The following PDE4DIP variants were observed in gnomAD, a reference collection of about 807,000 sequenced individuals.
PDE4DIP encodes the protein phosphodiesterase 4D interacting protein, also known as myomegalin.
A neutral mutation model predicts 221.4 loss-of-function variants in PDE4DIP; 59 were observed. The observed-to-expected ratio is 0.27, with a 90% CI of 0.22 to 0.33. PDE4DIP has a LOEUF of 0.33. Ranked by LOEUF, PDE4DIP falls within the 10% of genes least tolerant of loss-of-function variation. The pLI, the probability that PDE4DIP is intolerant of heterozygous loss-of-function variation, is 1.00. For missense variants in PDE4DIP, 1,036 were observed against 2,154.2 expected, an observed-to-expected ratio of 0.48 and a Z score of 10.28; for synonymous variants, 404 against 815.9, an observed-to-expected ratio of 0.50 and a Z score of 8.60.
At chr1:148,955,754 T>C (rs2055126788) in intron 5 of PDE4DIP, among the ~76,000 whole-genome samples, 3 of 152,184 alleles carry the variant, frequency 2.0e-5, no homozygotes, top group Admixed American at 1.3e-4. Flanking sequence ...GGTAACTGTA[T>C]CTTCAGGTCA....
chr1:148,981,457 C>G, intron 21 of PDE4DIP, 60 bp downstream of exon 24: 1 of 1,606,946 alleles, frequency 6.2e-7, no homozygotes, highest in Non-Finnish European at 8.5e-7. Flanking sequence ...ACTGGCGGGT[C>G]AGACTGCAGC....
intron 14 of PDE4DIP, among the ~76,000 whole-genome samples, chr1:148,971,115 C>G (rs2059130102): frequency 6.6e-6 from 1 of 152,102 alleles, no homozygotes; most frequent in Non-Finnish European, 1.5e-5. Flanking sequence ...AGTGTGTCAT[C>G]ATCTGTCTTA....
chr1:148,929,394 G>A (rs587606751), intron 2 of PDE4DIP, 121 bp downstream of exon 5: 26 of 1,351,894 alleles, frequency 1.9e-5, no homozygotes, highest in East Asian at 1.3e-4. Context: ...TCTGATTCAG[G>A]AACTGAAACA....
intron 4 of PDE4DIP, among the ~76,000 whole-genome samples, chr1:148,934,228 C>T (rs6143404): frequency 0.013 from 1,970 of 149,790 alleles, no homozygotes; most frequent in African/African-American, 0.046. Flanking sequence ...TATATATATA[C>T]ATATTGTACA....
intron 18 of PDE4DIP, 84 bp downstream of exon 21, chr1:148,978,137 A>G (rs1205174076): frequency 6.6e-6 from 9 of 1,364,112 alleles, no homozygotes; most frequent in Admixed American, 3.6e-5. Flanking sequence ...ATTTGCACAC[A>G]TCGAATCCCT....
At chr1:148,997,409 T>G (rs1267665519) in intron 22 of PDE4DIP, among the ~76,000 whole-genome samples, 1 of 148,510 alleles carries the variant, frequency 6.7e-6, no homozygotes, top group East Asian at 2.0e-4. Context: ...TGCCTCTGTT[T>G]CTTCCACATG....
At position 148,912,341 on chromosome 1, in the gene PDE4DIP, TA is replaced by T. The variant is rs1476680992; in HGVS notation, c.142-16853del. 2.8e-5 allele frequency among the ~76,000 whole-genome samples: 4 copies of T among 144,060 alleles called. 1 individual carries two copies. The highest frequency in any genetic ancestry group is 1.1e-4 in the African/African-American group (4 of 36,928). The allele number at this position is 144,060 out of a possible 152,430, so 94.5% of individuals were successfully genotyped here. On this transcript the variant is annotated intron_variant, in intron 1 of 43. Coordinates refer to ENST00000369354, the Ensembl canonical transcript of PDE4DIP. ...TTAGTTTTTCCTTTCATGTTTTGTT[TA>T]AATAAACTTTATTAAGTATGCAGTT...
chr1:149,021,405 C>T (rs1575521460), intron 37 of PDE4DIP: 2 of 443,388 alleles, frequency 4.5e-6, no homozygotes, highest in African/African-American at 3.9e-5. Flanking sequence ...CTATCAATGT[C>T]TAGATTGTAA....
Position 149,018,668 on chromosome 1 carries a change from G to C in PDE4DIP, c.5770+7G>C. The C allele has an allele frequency of 1.9e-6, 3 of 1,560,228 alleles. No homozygotes were observed. The stretch of plus-strand genomic sequence containing the variant: ...CTGAGTCATGTTTCCAGAGGTACGT[G>C]GTCAAAACCCACAAACTGTGGTCAC... On this transcript the variant is annotated splice_region_variant and intron_variant, in intron 35 of 43. Coordinates refer to ENST00000369354, the Ensembl canonical transcript of PDE4DIP.
rs1477871958 is a variant in PDE4DIP at position 148,891,898 on chromosome 1, A to C, written c.141+2004A>C. On this transcript the variant is annotated intron_variant, in intron 1 of 43. Transcript: ENST00000369354. ...TTTGCCTTAGGGTTAGGGTAGGAAT[A>C]GTGGATGGATTTATTCACTGTGCAG... 4.9e-4 allele frequency among the ~76,000 whole-genome samples: 22 copies of C among 44,940 alleles called. 1 individual carries two copies. The highest frequency in any genetic ancestry group is 7.2e-4 in the Non-Finnish European group (19 of 26,318). 29.5% of individuals were successfully genotyped at this position (44,940 alleles called of 152,430 possible).
chr1:148,824,336 C>G (rs1364468627), intron 1 of PDE4DIP, among the ~76,000 whole-genome samples: 1 of 150,484 alleles, frequency 6.6e-6, no homozygotes, highest in Non-Finnish European at 1.5e-5. Context: ...AACATGGTAG[C>G]TTAGTTCCCA....
At position 148,820,857 on chromosome 1, in the gene PDE4DIP, A is replaced by ATTT. The variant is rs1365492971; in HGVS notation, c.233+12121_233+12123dup. ...TATTTATTTATTTATTTATTTATTT[A>ATTT]TTTATTTATTTTTGAGGCGGAGTCT... is the stretch of plus-strand genomic sequence containing the variant. On this transcript the variant is annotated intron_variant, in intron 1 of 45. Coordinates refer to the PDE4DIP transcript ENST00000524974. Among the ~76,000 whole-genome samples, 311 of 137,426 alleles carry ATTT rather than the reference A, an allele frequency of 2.3e-3. 1 individual carries two copies. Among genetic ancestry groups the ATTT allele is most frequent in the African/African-American group, 8.0e-3 (300 of 37,352 alleles). 90.2% of individuals were successfully genotyped at this position (137,426 alleles called of 152,430 possible).
chr1:149,028,844 C>T, intron 41 of PDE4DIP, 141 bp downstream of exon 44: 1 of 621,594 alleles, frequency 1.6e-6, no homozygotes, highest in Non-Finnish European at 2.8e-6. Context: ...AGAGGAGTGT[C>T]CCTGGAGGGA....
intron 31 of PDE4DIP, among the ~76,000 whole-genome samples, chr1:149,011,103 T>C (rs2068483960): frequency 6.6e-6 from 1 of 152,134 alleles, no homozygotes; most frequent in African/African-American, 2.4e-5. Flanking sequence ...CAGTCCTTGA[T>C]ATGTACATAG....
At chr1:148,964,223 C>T (rs1188505511) in intron 9 of PDE4DIP, among the ~76,000 whole-genome samples, 1 of 151,764 alleles carries the variant, frequency 6.6e-6, no homozygotes, top group African/African-American at 2.4e-5. Flanking sequence ...GATTCTCCTG[C>T]TTCAGCCTCC....
chr1:148,971,094 A>T (rs1268895835), intron 14 of PDE4DIP, among the ~76,000 whole-genome samples: 1 of 152,164 alleles, frequency 6.6e-6, no homozygotes, highest in East Asian at 1.9e-4. Context: ...AATGTTCTAG[A>T]TCTTTCCCTT....
At chr1:148,898,986 C>A (rs2040053994) in intron 1 of PDE4DIP, among the ~76,000 whole-genome samples, 1 of 103,854 alleles carries the variant, frequency 9.6e-6, no homozygotes, top group South Asian at 3.9e-4. Flanking sequence ...CGTGTGTCAC[C>A]ATGCCCGGCT....
intron 21 of PDE4DIP, chr1:148,983,756 A>G (rs2061473484): frequency 6.6e-6 from 1 of 152,512 alleles, no homozygotes; most frequent in African/African-American, 2.4e-5. Context: ...AATTTTAAAT[A>G]AAGCATCGTG....
At chr1:148,915,130 G>T (rs113764959) in intron 1 of PDE4DIP, among the ~76,000 whole-genome samples, 248 of 115,372 alleles carry the variant, frequency 2.1e-3, no homozygotes, top group African/African-American at 7.7e-3. Flanking sequence ...CTTTCTTCTG[G>T]TTTTTTTGTT....
Sources: gnomAD v4.1 joint callset for allele counts (sites outside exome capture counted in the v4.1 genomes callset) on GRCh38, gnomAD v4.1.1 for gene constraint, MANE v1.5 for transcripts, NCBI Gene and HGNC (gene_info 2026-07-23, HGNC 2026-07-21) for gene names.